KPNA1: variants seen among roughly 807,000 people sequenced by gnomAD.
KPNA1 encodes the protein karyopherin subunit alpha 1.
A neutral mutation model predicts 70.5 loss-of-function variants in KPNA1; 10 were observed. The observed-to-expected ratio is 0.14, with a 90% confidence interval of 0.09 to 0.24. The LOEUF is 0.24. Among genes scored for constraint, KPNA1 ranks in the 10% least tolerant of loss-of-function variants. The pLI, the probability that KPNA1 is intolerant of heterozygous loss-of-function variation, is 1.00. For synonymous variants in KPNA1, 192 were observed against 221.9 expected, an observed-to-expected ratio of 0.87 and a Z score of 1.20; for missense variants, 397 against 637.9, an observed-to-expected ratio of 0.62 and a Z score of 4.07.
At chr3:122,508,696 T>C (rs2076918687) in intron 1 of KPNA1, among the ~76,000 whole-genome samples, 1 of 152,082 alleles carries the variant, frequency 6.6e-6, no homozygotes, top group Non-Finnish European at 1.5e-5. Context: ...CCTATGAGTA[T>C]ATGCCCTCCA....
intron 2 of KPNA1, among the ~76,000 whole-genome samples, chr3:122,489,638 A>G (rs1237426736): frequency 6.6e-6 from 1 of 152,118 alleles, no homozygotes; most frequent in East Asian, 1.9e-4. Context: ...TATAATAACC[A>G]TTTATATTTT....
chr3:122,458,573 A>G (rs1187260860), intron 5 of KPNA1, among the ~76,000 whole-genome samples: 3 of 152,220 alleles, frequency 2.0e-5, no homozygotes, highest in African/African-American at 7.2e-5. Flanking sequence ...TGAGCCATCA[A>G]ATTTCCTCTT....
chr3:122,427,233 T>G, intron 13 of KPNA1, 61 bp from the exon 14 acceptor site: 2 of 1,205,792 alleles, frequency 1.7e-6, no homozygotes, highest in South Asian at 2.7e-5. Flanking sequence ...GGAAATTCCA[T>G]AACTATATAT....
At chr3:122,430,706 C>CT (rs1417454200) in intron 12 of KPNA1, among the ~76,000 whole-genome samples, 1 of 152,168 alleles carries the variant, frequency 6.6e-6, no homozygotes, top group African/African-American at 2.4e-5. Flanking sequence ...GTCAACTGAT[C>CT]TTTAACAGAA....
At chr3:122,460,293 A>G in intron 5 of KPNA1, 2 of 985,094 alleles carry the variant, frequency 2.0e-6, no homozygotes, top group Non-Finnish European at 2.4e-6. Context: ...AGTAGTTTAG[A>G]ATTTCTAGGA....
At chr3:122,498,800 T>A (rs1241154052) in intron 1 of KPNA1, among the ~76,000 whole-genome samples, 1 of 152,206 alleles carries the variant, frequency 6.6e-6, no homozygotes, top group Non-Finnish European at 1.5e-5. Flanking sequence ...AAGTCAGCTA[T>A]GATTCTGATA....
At chr3:122,503,843 T>G (rs2076857951) in intron 1 of KPNA1, among the ~76,000 whole-genome samples, 1 of 152,128 alleles carries the variant, frequency 6.6e-6, no homozygotes, top group African/African-American at 2.4e-5. Flanking sequence ...CACTGAGAGC[T>G]GTTTGAAAAA....
At chr3:122,451,061 T>C (rs9882100) in intron 8 of KPNA1, among the ~76,000 whole-genome samples, 21,181 of 151,986 alleles carry the variant, frequency 0.14, 1,583 homozygotes, top group East Asian at 0.32. Context: ...TGCTTGGGTG[T>C]TGGGTGCACC....
rs761879791 is a variant in KPNA1, at chr3:122,463,964, T to C, written c.315A>G (p.Lys105=). 1 of 1,602,938 alleles carries C rather than the reference T, an allele frequency of 6.2e-7. No homozygotes were observed. Among genetic ancestry groups the C allele is most frequent in the African/African-American group, 1.3e-5 (1 of 74,822 alleles). ...CACCTTTTGAAAGCAGCTTCCTGAA[T>C]TTCTGTGTTGCTGAAAGCTGTTGCT... ...SPEQQLSATQ[K]FRKLLSKEPN... The change falls in exon 4 of 14, where the codon AAA becomes AAG. Residue 105 remains lysine, a synonymous_variant. Coordinates refer to ENST00000344337, the MANE Select transcript of KPNA1 (RefSeq NM_002264.4).
rs1163178056 is a variant in KPNA1, at chr3:122,427,570, T to C, written c.1397A>G (p.Asn466Ser). The stretch of plus-strand genomic sequence containing the variant: ...TTCTTCAATCAAAGCACAGTAAGGG[T>C]TAATGCCAGTGCCATTCCTTTTGGC... Reference protein sequence around the residue: ...QEAKRNGTGINPYCALIEEAY... With the variant: ...QEAKRNGTGISPYCALIEEAY... The change falls in exon 13 of 14, where the codon AAC becomes AGC. Residue 466 changes from asparagine to serine, a missense_variant. By Grantham distance (46) the Asn-to-Ser change is conservative (BLOSUM62 1). Coordinates refer to ENST00000344337, the MANE Select transcript of KPNA1 (RefSeq NM_002264.4). The C allele has an allele frequency of 6.2e-7, 1 of 1,613,968 alleles. No individual in the cohort carries two copies. Among genetic ancestry groups the C allele is most frequent in the Admixed American group, 1.7e-5 (1 of 59,994 alleles).
At position 122,514,694 on chromosome 3, in the gene KPNA1, G is replaced by C. The variant is rs535305577; in HGVS notation, c.-6+63C>G. On this transcript the variant is annotated intron_variant, in intron 1 of 13. Coordinates refer to ENST00000344337, the MANE Select transcript of KPNA1 (RefSeq NM_002264.4). ...CCCAGGGCCTCTCCTGAGTCCCTCC[G>C]GGACTGCCCGGATCTGCCGGCGGGA... The C allele has an allele frequency of 5.9e-5, 9 of 152,550 alleles. No individual in the cohort carries two copies. The East Asian group carries it at 9.6e-4, about 16-fold the overall frequency. The allele number at this position is 152,550 out of a possible 1,614,324, so 9.4% of individuals were successfully genotyped here. A position where few individuals can be genotyped will look rare whatever the true frequency, so the allele number is the denominator to read the frequency against.
intron 11 of KPNA1, among the ~76,000 whole-genome samples, chr3:122,434,653 C>A (rs1356105219): frequency 6.6e-6 from 1 of 152,184 alleles, no homozygotes; most frequent in Non-Finnish European, 1.5e-5. Context: ...ATGCTATTCT[C>A]CAAGCCACCA....
rs1446848396 is a variant in KPNA1 at position 122,423,419 on chromosome 3, C to T, written c.*3566G>A. On this transcript the variant is annotated 3_prime_UTR_variant, in exon 14 of 14. Coordinates refer to ENST00000344337, the MANE Select transcript of KPNA1 (RefSeq NM_002264.4). ...GTATGAAAGTTGAAAGCAAACAATG[C>T]TGGTTTCTAAAAGTGGATCCCTTTT... The T allele has an allele frequency of 6.6e-6, 1 of 152,200 alleles. No homozygotes were observed. The highest frequency in any genetic ancestry group is 2.4e-5 in the African/African-American group (1 of 41,444). The allele number at this position is 152,200 out of a possible 1,614,324, so 9.4% of individuals were successfully genotyped here.
At chr3:122,489,484 G>A (rs1481924839) in intron 2 of KPNA1, among the ~76,000 whole-genome samples, 1 of 151,482 alleles carries the variant, frequency 6.6e-6, no homozygotes, top group Non-Finnish European at 1.5e-5. Flanking sequence ...TGGTAGACTC[G>A]TTATGTTGCT....
chr3:122,493,914 A>G (rs2076728617), intron 2 of KPNA1, among the ~76,000 whole-genome samples: 1 of 152,090 alleles, frequency 6.6e-6, no homozygotes, highest in South Asian at 2.1e-4. Flanking sequence ...TATTTATTTG[A>G]TAATTAGTGA....
At chr3:122,503,595 C>T (rs773536476) in intron 1 of KPNA1, among the ~76,000 whole-genome samples, 15 of 152,146 alleles carry the variant, frequency 9.9e-5, no homozygotes, top group Non-Finnish European at 1.8e-4. Flanking sequence ...GTACAATGGA[C>T]ATAATGATAC....
chr3:122,489,210 T>C (rs1378542094), intron 2 of KPNA1, among the ~76,000 whole-genome samples: 1 of 152,188 alleles, frequency 6.6e-6, no homozygotes, highest in Non-Finnish European at 1.5e-5. Flanking sequence ...CATTTGGGAA[T>C]TTCTCATCTT....
chr3:122,457,805 A>C, intron 5 of KPNA1: 1 of 1,289,842 alleles, frequency 7.8e-7, no homozygotes, highest in Non-Finnish European at 1.0e-6. Context: ...GTTGCTGGCC[A>C]CTTTGCCGGT....
Position 122,427,110 on chromosome 3 carries a change from C to G in KPNA1, c.1492G>C (p.Asp498His). Residue 498 changes from aspartate to histidine, a missense_variant, in exon 14 of 14, where the codon GAT becomes CAT. Coordinates refer to ENST00000344337, the MANE Select transcript of KPNA1 (RefSeq NM_002264.4). ...ENQEIYQKAF[D>H]LIEHYFGTED... ...GTCCCGAAGTAATGCTCAATAAGAT[C>G]AAAGGCCTTTTGGTAGATCTCCTGG... 1.2e-6 allele frequency: 2 copies of G among 1,614,096 alleles called. No homozygotes were observed. The highest frequency in any genetic ancestry group is 1.7e-6 in the Non-Finnish European group (2 of 1,179,986).
Sources: gnomAD v4.1 joint callset for allele counts (sites outside exome capture counted in the v4.1 genomes callset) on GRCh38, gnomAD v4.1.1 for gene constraint, MANE v1.5 for transcripts, NCBI Gene and HGNC (gene_info 2026-07-23, HGNC 2026-07-21) for gene names.